Variants in FAT1 observed in about 807,000 individuals in gnomAD.
The protein encoded by FAT1 is FAT atypical cadherin 1, also known as protocadherin Fat 1.
Under a neutral mutation model 329.8 loss-of-function variants are expected in FAT1, and 171 were observed. That is an observed-to-expected ratio of 0.52 (90% CI 0.46 to 0.59). The LOEUF (loss-of-function observed/expected upper bound fraction) is 0.59. Ranked by LOEUF, FAT1 falls within the 20% of genes least tolerant of loss-of-function variation. The probability of loss-of-function intolerance (pLI) is 0.00; values close to 1 mark genes in which losing one functional copy is unlikely to be tolerated. For synonymous variants in FAT1, 2,233 were observed against 2,228.6 expected (o/e 1.00, Z -0.06); for missense variants, 5,672 against 5,774.4 (o/e 0.98, Z 0.57).
chr4:186,708,507 T>C lies in FAT1; in HGVS notation c.1321A>G (p.Ser441Gly). Residue 441 changes from serine to glycine, a missense_variant, in exon 2 of 27, where the codon AGT becomes GGT. Transcript: ENST00000441802. ...AAHFELEVTT[S>G]DRKASTKVLV... ...ACCTTGGTGGACGCTTTTCTGTCAC[T>C]TGTTGTTACTTCAAGTTCAAAATGG... 8.1e-6 allele frequency: 13 copies of C among 1,613,984 alleles called. No homozygotes were observed. The highest frequency in any genetic ancestry group is 1.1e-5 in the Non-Finnish European group (13 of 1,179,870).
At chr4:186,661,387 A>G (rs1382569861) in intron 3 of FAT1, among the ~76,000 whole-genome samples, 1 of 152,220 alleles carries the variant, frequency 6.6e-6, no homozygotes, top group Non-Finnish European at 1.5e-5. Context: ...CAATCTCAAG[A>G]GACAGGCCTT....
intron 2 of FAT1, among the ~76,000 whole-genome samples, chr4:186,675,718 GGTGACAGA>G (rs1451750946): frequency 6.6e-6 from 1 of 151,152 alleles, no homozygotes; most frequent in Non-Finnish European, 1.5e-5. Context: ...TTCCAGCCCA[GGTGACAGA>G]GTGAGACCCT....
intron 2 of FAT1, among the ~76,000 whole-genome samples, chr4:186,684,919 C>A (rs912487005): frequency 6.6e-6 from 1 of 152,142 alleles, no homozygotes; most frequent in Non-Finnish European, 1.5e-5. Context: ...TTTTATGCCA[C>A]AACCAAGTCA....
At chr4:186,680,445 C>T (rs914156756) in intron 2 of FAT1, among the ~76,000 whole-genome samples, 5 of 152,260 alleles carry the variant, frequency 3.3e-5, no homozygotes, top group African/African-American at 7.2e-5. Flanking sequence ...TACACACGAC[C>T]GTTTCTGTAA....
At position 186,707,416 on chromosome 4, in the gene FAT1, C is replaced by T. The variant is rs543839834; in HGVS notation, c.2412G>A (p.Ala804=). The T allele has an allele frequency of 2.2e-5, 35 of 1,613,994 alleles. No homozygotes were observed. In the African/African-American group the frequency reaches 2.7e-4, roughly 12 times the overall value. Residue 804 remains alanine (A), a synonymous_variant, in exon 2 of 27, where the codon GCG becomes GCA. Transcript: ENST00000441802. ...VYDLGIPQKA[A]WRLLHVVVVD... Reference sequence around the variant, plus strand: ...CAACCACGACATGTAGAAGACGCCACGCAGCCTTCTGGGGTATCCCAAGGT... The same window carrying T: ...CAACCACGACATGTAGAAGACGCCATGCAGCCTTCTGGGGTATCCCAAGGT...
At position 186,704,029 on chromosome 4, in the gene FAT1, G is replaced by A. The variant is rs540515448; in HGVS notation, c.3265+2534C>T. Among the ~76,000 whole-genome samples the A allele has an allele frequency of 4.6e-5, 7 of 152,276 alleles. No individual in the cohort carries two copies. The East Asian group carries it at 1.2e-3, about 25-fold the overall frequency. On this transcript the variant is annotated intron_variant, in intron 2 of 26. Coordinates refer to ENST00000441802, the MANE Select transcript of FAT1 (RefSeq NM_005245.4). The stretch of plus-strand genomic sequence containing the variant: ...AAAAAATGTATCTTGTAATGAATAC[G>A]AGGTCCAATGTGTAAATATTATTCT...
chr4:186,670,063 C>G (rs1387992568), intron 2 of FAT1, among the ~76,000 whole-genome samples: 1 of 152,150 alleles, frequency 6.6e-6, no homozygotes, highest in Non-Finnish European at 1.5e-5. Flanking sequence ...AATAATTTAA[C>G]TGATTCAAAT....
At position 186,621,176 on chromosome 4, in the gene FAT1, T is replaced by C. The variant is rs750963986; in HGVS notation, c.5410A>G (p.Asn1804Asp). 5.0e-6 allele frequency: 8 copies of C among 1,613,882 alleles called. No homozygotes were observed. Among genetic ancestry groups the C allele is most frequent in the East Asian group, 2.2e-5 (1 of 44,892 alleles). Reference sequence around the variant, plus strand: ...ACAATGTGATATACAAGCAAAGCATTTGAGTCTTTATCAGCATCAGCTGCT... The same window carrying C: ...ACAATGTGATATACAAGCAAAGCATCTGAGTCTTTATCAGCATCAGCTGCT... Reference protein sequence around the residue: ...IRAADADKDSNALLVYHIVEP... With the variant: ...IRAADADKDSDALLVYHIVEP... Residue 1804 changes from asparagine (N) to aspartate (D), a missense_variant, in exon 10 of 27, where the codon AAT becomes GAT. By Grantham distance (23) the Asn-to-Asp change is conservative. This residue lies in a region of FAT1 where 3,966 missense variants were observed against 3,915.2 expected (regional missense o/e 1.01). Transcript: ENST00000441802.
chr4:186,598,367 A>G (rs1306701670), intron 22 of FAT1, among the ~76,000 whole-genome samples: 1 of 152,224 alleles, frequency 6.6e-6, no homozygotes, highest in African/African-American at 2.4e-5. Context: ...TAAGATCACT[A>G]GGTCACACAT....
chr4:186,680,036 C>T (rs532162309), intron 2 of FAT1, among the ~76,000 whole-genome samples: 4 of 152,270 alleles, frequency 2.6e-5, no homozygotes, highest in African/African-American at 9.6e-5. Context: ...TGAGTGTCTT[C>T]CAATGCTTTC....
intron 2 of FAT1, among the ~76,000 whole-genome samples, chr4:186,702,349 T>C (rs1475840383): frequency 1.3e-5 from 2 of 152,202 alleles, no homozygotes; most frequent in African/African-American, 4.8e-5. Flanking sequence ...GTAATATGTT[T>C]AGAGATCTGC....
chr4:186,618,175 T>C lies in FAT1; in HGVS notation c.8411A>G (p.Asp2804Gly), dbSNP rs2126492060. The change falls in exon 10 of 27, where the codon GAC becomes GGC. Residue 2804 changes from aspartate to glycine, a missense_variant. Physicochemically the swap from Asp to Gly is moderately conservative, Grantham distance 94. This residue lies in a region of FAT1 where 3,966 missense variants were observed against 3,915.2 expected (regional missense o/e 1.01). Coordinates refer to ENST00000441802, the MANE Select transcript of FAT1 (RefSeq NM_005245.4). ...DVSIQVKDANDNSPVFESSPY... is the reference protein window; with the variant it reads ...DVSIQVKDANGNSPVFESSPY... Reference sequence around the variant, plus strand: ...ACTAGATTCAAAGACCGGGCTGTTGTCATTTGCATCTTTCACTTGGATACT... The same window carrying C: ...ACTAGATTCAAAGACCGGGCTGTTGCCATTTGCATCTTTCACTTGGATACT... 1 of 1,614,010 alleles carries C rather than the reference T, an allele frequency of 6.2e-7. No individual in the cohort carries two copies. Among genetic ancestry groups the C allele is most frequent in the Non-Finnish European group, 8.5e-7 (1 of 1,179,884 alleles).
chr4:186,613,686 T>C (rs1170500396), intron 12 of FAT1, among the ~76,000 whole-genome samples: 1 of 152,198 alleles, frequency 6.6e-6, no homozygotes, highest in Admixed American at 6.5e-5. Context: ...ATTAGTTCTT[T>C]AGGAAGAAAA....
Position 186,708,170 on chromosome 4 carries a change from A to G in FAT1, c.1658T>C (p.Val553Ala), listed in dbSNP as rs1350755104. 6.2e-7 allele frequency: 1 copy of G among 1,614,026 alleles called. No homozygotes were observed. Among genetic ancestry groups the G allele is most frequent in the Non-Finnish European group, 8.5e-7 (1 of 1,179,894 alleles). Residue 553 changes from valine to alanine, a missense_variant, in exon 2 of 27, where the codon GTC becomes GCC. By Grantham distance (64) the Val-to-Ala change is moderately conservative. Coordinates refer to ENST00000441802, the MANE Select transcript of FAT1 (RefSeq NM_005245.4). ...WGLPYRREVE[V>A]LATITLNNLN... is the part of the protein sequence containing the mutation. Reference sequence around the variant, plus strand: ...GTTATTGAGAGTAATTGTAGCAAGGACTTCGACTTCCCGGCGGTACGGCAA... The same window carrying G: ...GTTATTGAGAGTAATTGTAGCAAGGGCTTCGACTTCCCGGCGGTACGGCAA...
At chr4:186,671,202 T>A (rs1272883547) in intron 2 of FAT1, among the ~76,000 whole-genome samples, 1 of 152,148 alleles carries the variant, frequency 6.6e-6, no homozygotes, top group Non-Finnish European at 1.5e-5. Flanking sequence ...TATTTCCACA[T>A]CTTGATGATA....
chr4:186,639,909 AG>A (rs1488935704), intron 3 of FAT1, 126 bp from the exon 4 acceptor site: 5 of 722,036 alleles, frequency 6.9e-6, no homozygotes, highest in East Asian at 2.6e-5. Context: ...TGGGAGGCCC[AG>A]GGGGGTGGAT....
chr4:186,657,844 T>G (rs1352301602), intron 3 of FAT1, among the ~76,000 whole-genome samples: 1 of 152,142 alleles, frequency 6.6e-6, no homozygotes, highest in African/African-American at 2.4e-5. Context: ...TTCAAAGCAA[T>G]AACTTTAACT....
chr4:186,627,843 CTG>C (rs1019621914), intron 9 of FAT1, among the ~76,000 whole-genome samples: 4 of 152,264 alleles, frequency 2.6e-5, no homozygotes, highest in African/African-American at 9.6e-5. Flanking sequence ...ACAGAAGAAA[CTG>C]TGGTTAAAAT....
chr4:186,605,766 AG>A (rs1739101898), intron 17 of FAT1, among the ~76,000 whole-genome samples: 1 of 138,544 alleles, frequency 7.2e-6, no homozygotes, highest in African/African-American at 2.6e-5. Context: ...GGGAAGAGGA[AG>A]GTCAAGGGGG....
Sources: allele counts gnomAD v4.1 joint callset (sites outside exome capture counted in the v4.1 genomes callset), GRCh38; gene constraint gnomAD v4.1.1; regional missense constraint gnomAD v4.1.1; transcripts MANE v1.5; gene names NCBI Gene and HGNC (gene_info 2026-07-23, HGNC 2026-07-21).